Variants in EZR observed in about 807,000 individuals in gnomAD.
EZR encodes the protein cytovillin 2.
A neutral mutation model predicts 74.8 loss-of-function variants in EZR; 40 were observed. The ratio of observed to expected loss-of-function variants is 0.53; its 90% confidence interval spans 0.42 to 0.70. EZR has a LOEUF of 0.70. Ranked by LOEUF, EZR falls within the 30% of genes least tolerant of loss-of-function variation. EZR has a pLI of 0.00. For synonymous variants in EZR, 341 were observed against 283.3 expected (o/e 1.20, Z -2.05); for missense variants, 678 against 755.8 (o/e 0.90, Z 1.21).
intron 1 of EZR, among the ~76,000 whole-genome samples, chr6:158,818,452 G>C (rs1252615677): frequency 1.3e-5 from 2 of 151,454 alleles, no homozygotes; most frequent in Non-Finnish European, 3.0e-5. Context: ...CGAGGAGAGG[G>C]GGTGCGCACC....
intron 13 of EZR, 37 bp downstream of exon 13, chr6:158,767,224 G>C (rs375548863): frequency 3.8e-6 from 6 of 1,593,390 alleles, no homozygotes; most frequent in Non-Finnish European, 5.1e-6. Flanking sequence ...CCAAAAGCGA[G>C]GCAGGCTCCC....
intron 7 of EZR, among the ~76,000 whole-genome samples, chr6:158,782,764 T>C (rs1036490986): frequency 6.6e-6 from 1 of 152,232 alleles, no homozygotes; most frequent in Non-Finnish European, 1.5e-5. Context: ...CAGAGGTAGT[T>C]TCCTTCTGCC....
Position 158,787,185 on chromosome 6 carries a change from G to C in EZR, c.115C>G (p.Leu39Val), listed in dbSNP as rs1275281119. Residue 39 changes from leucine to valine, a missense_variant, in exon 4 of 14, where the codon CTC becomes GTC. Physicochemically the swap from Leu to Val is conservative, Grantham distance 32 (BLOSUM62 1). Coordinates refer to ENST00000367075, the MANE Select transcript of EZR (RefSeq NM_001111077.2). The stretch of plus-strand genomic sequence containing the variant: ...AGGCCAAAGTACCACACTTCCCGGA[G>C]GCCGATAGTCTTTACCACCTGCGTG... ...LFDQVVKTIGLREVWYFGLHY... is the reference protein window; with the variant it reads ...LFDQVVKTIGVREVWYFGLHY... 2 of 1,613,010 alleles carry C rather than the reference G, an allele frequency of 1.2e-6. No individual in the cohort carries two copies. The highest frequency in any genetic ancestry group is 1.7e-6 in the Non-Finnish European group (2 of 1,179,220).
intron 4 of EZR, among the ~76,000 whole-genome samples, chr6:158,786,883 A>G (rs1791596703): frequency 6.6e-6 from 1 of 152,234 alleles, no homozygotes; most frequent in Non-Finnish European, 1.5e-5. Flanking sequence ...CTATGCAATT[A>G]ACCATCATAT....
intron 9 of EZR, 31 bp downstream of exon 9, chr6:158,771,213 G>GC (rs1432762710): frequency 6.3e-7 from 1 of 1,579,088 alleles, no homozygotes; most frequent in African/African-American, 1.4e-5. Flanking sequence ...GGAGAACACA[G>GC]GCCCCCCCCA....
At position 158,818,384 on chromosome 6, in the gene EZR, C is replaced by G. The variant is rs569224787; in HGVS notation, c.-73-218G>C. Among the ~76,000 whole-genome samples the G allele has an allele frequency of 1.3e-3, 192 of 150,408 alleles. 1 individual carries two copies. Among genetic ancestry groups the G allele is most frequent in the Non-Finnish European group, 2.4e-3 (161 of 67,500 alleles). On this transcript the variant is annotated intron_variant, in intron 1 of 13. Transcript: ENST00000367075. ...GCGAGGAGGCGCCCGAGAGCGGGGG[C>G]GCGCGCCCAAGGGGCAGCCGGCGGG...
At chr6:158,781,712 T>C (rs956088145) in intron 7 of EZR, among the ~76,000 whole-genome samples, 2 of 151,316 alleles carry the variant, frequency 1.3e-5, no homozygotes, top group East Asian at 3.9e-4. Context: ...GCTTCAGCTC[T>C]AGGGTCTCCC....
chr6:158,816,592 G>C (rs1011634393), intron 2 of EZR, among the ~76,000 whole-genome samples: 1 of 152,158 alleles, frequency 6.6e-6, no homozygotes, highest in African/African-American at 2.4e-5. Flanking sequence ...GTCAAGCCTC[G>C]ATGTCACGTG....
intron 2 of EZR, among the ~76,000 whole-genome samples, chr6:158,816,199 G>C (rs945531120): frequency 4.6e-5 from 7 of 152,162 alleles, no homozygotes; most frequent in Non-Finnish European, 8.8e-5. Context: ...GAGTTTAATA[G>C]GTACAGAGTT....
intron 12 of EZR, among the ~76,000 whole-genome samples, chr6:158,768,310 C>A (rs897546940): frequency 2.0e-5 from 3 of 152,070 alleles, no homozygotes; most frequent in Admixed American, 2.0e-4. Flanking sequence ...TTTCCTGAGG[C>A]CTCCCCCAGC....
chr6:158,807,531 G>C (rs1777369524), intron 2 of EZR, among the ~76,000 whole-genome samples: 1 of 152,162 alleles, frequency 6.6e-6, no homozygotes, highest in Non-Finnish European at 1.5e-5. Flanking sequence ...CTTGAAGAAA[G>C]ACCATCATGG....
chr6:158,804,201 A>G (rs569278489), intron 2 of EZR, among the ~76,000 whole-genome samples: 81 of 152,010 alleles, frequency 5.3e-4, no homozygotes, highest in Non-Finnish European at 8.5e-4. Context: ...AACTTCTTCT[A>G]CACTGGAAAT....
At position 158,787,169 on chromosome 6, in the gene EZR, T is replaced by C. The variant is rs1194854415; in HGVS notation, c.131A>G (p.Tyr44Cys). 6.2e-7 allele frequency: 1 copy of C among 1,613,334 alleles called. No homozygotes were observed. The highest frequency in any genetic ancestry group is 8.5e-7 in the Non-Finnish European group (1 of 1,179,432). ...ATTATCCACATAGTGGAGGCCAAAG[T>C]ACCACACTTCCCGGAGGCCGATAGT... ...VKTIGLREVW[Y>C]FGLHYVDNKG... is the part of the protein sequence containing the mutation. Residue 44 changes from tyrosine to cysteine, a missense_variant, in exon 4 of 14, where the codon TAC becomes TGC. Physicochemically the swap from Tyr to Cys is radical, Grantham distance 194. Around this residue, in one of 3 missense-constraint regions of EZR, gnomAD observed 217 missense variants for 232.2 expected, o/e 0.93. Coordinates refer to ENST00000367075, the MANE Select transcript of EZR (RefSeq NM_001111077.2).
At chr6:158,791,042 C>T (rs1453665023) in intron 2 of EZR, among the ~76,000 whole-genome samples, 1 of 152,204 alleles carries the variant, frequency 6.6e-6, no homozygotes, top group Non-Finnish European at 1.5e-5. Flanking sequence ...TAAGCACTCA[C>T]CAAATGTCAC....
Position 158,803,338 on chromosome 6 carries a change from G to A in EZR, c.13-13967C>T, listed in dbSNP as rs991448582. On this transcript the variant is annotated intron_variant, in intron 2 of 13. Coordinates refer to ENST00000367075, the MANE Select transcript of EZR (RefSeq NM_001111077.2). The stretch of plus-strand genomic sequence containing the variant: ...CGATACGAGGTATACGGTTATCCTC[G>A]TCTGATGACCTTTTTTTAATGGTTA... Among the ~76,000 whole-genome samples, 4 of 151,190 alleles carry A rather than the reference G, an allele frequency of 2.6e-5. No homozygotes were observed. In the East Asian group the frequency reaches 5.9e-4, roughly 22 times the overall value.
chr6:158,812,004 T>C (rs1211429832), intron 2 of EZR, among the ~76,000 whole-genome samples: 1 of 152,088 alleles, frequency 6.6e-6, no homozygotes, highest in Non-Finnish European at 1.5e-5. Context: ...TTTTTTCTCT[T>C]TGAAAACAAA....
At chr6:158,767,581 C>CT in intron 12 of EZR, 69 bp from the exon 13 acceptor site, 1 of 1,475,940 alleles carries the variant, frequency 6.8e-7, no homozygotes, top group African/African-American at 1.4e-5. Flanking sequence ...TGAGAACAGA[C>CT]TGTCACCTCC....
chr6:158,816,515 A>C (rs1483627908), intron 2 of EZR, among the ~76,000 whole-genome samples: 1 of 152,204 alleles, frequency 6.6e-6, no homozygotes, highest in African/African-American at 2.4e-5. Flanking sequence ...ACTCCTCCGC[A>C]TACCGTTGCA....
At chr6:158,818,251 C>T in intron 1 of EZR, 85 bp from the exon 2 acceptor site, 1 of 706,202 alleles carries the variant, frequency 1.4e-6, no homozygotes, top group Non-Finnish European at 2.2e-6. Context: ...CCGCAGCGCG[C>T]TGCCGCTTAA....
Sources: allele counts gnomAD v4.1 joint callset (sites outside exome capture counted in the v4.1 genomes callset), GRCh38; gene constraint gnomAD v4.1.1; regional missense constraint gnomAD v4.1.1; transcripts MANE v1.5; gene names NCBI Gene and HGNC (gene_info 2026-07-23, HGNC 2026-07-21).